KLF12: variants seen among roughly 807,000 people sequenced by gnomAD.
KLF12 encodes the protein Krueppel-like factor 12.
In KLF12, 9 loss-of-function variants were observed where a neutral mutation model predicts 37.8. The observed-to-expected ratio is 0.24, with a 90% CI of 0.14 to 0.42. The LOEUF (loss-of-function observed/expected upper bound fraction) is 0.42, where lower values mean the gene tolerates loss of function less well. KLF12 is among the 10% of genes least tolerant of loss of function. The pLI is 1.00. For missense variants in KLF12, 411 were observed against 516.0 expected (o/e 0.80, Z 1.97); for synonymous variants, 208 against 202.1 (o/e 1.03, Z -0.25).
chr13:74,266,181 T>A, the KLF12 span, among the ~76,000 whole-genome samples: 1 of 152,038 alleles, frequency 6.6e-6, no homozygotes, highest in African/African-American at 2.4e-5. Flanking sequence ...GCTTGAAGAG[T>A]TTGTAGCAGA....
intron 1 of KLF12, among the ~76,000 whole-genome samples, chr13:74,064,326 T>G (rs1873782138): frequency 6.6e-6 from 1 of 152,220 alleles, no homozygotes; most frequent in African/African-American, 2.4e-5. Flanking sequence ...AACATTTGCC[T>G]AGTACCTTGC....
At chr13:73,915,421 TTGCC>T (rs916269201) in intron 3 of KLF12, among the ~76,000 whole-genome samples, 3 of 152,046 alleles carry the variant, frequency 2.0e-5, no homozygotes, top group African/African-American at 7.2e-5. Context: ...CTTTCCAAGA[TTGCC>T]TGCCTGCCTG....
At chr13:74,027,493 A>G (rs948927694) in intron 1 of KLF12, among the ~76,000 whole-genome samples, 1 of 152,194 alleles carries the variant, frequency 6.6e-6, no homozygotes, top group Admixed American at 6.5e-5. Context: ...AAATGAAGCA[A>G]AAGCAAGCTA....
chr13:74,063,209 A>AT (rs1277669112), intron 1 of KLF12, among the ~76,000 whole-genome samples: 8 of 151,286 alleles, frequency 5.3e-5, no homozygotes, highest in East Asian at 3.9e-4. Context: ...AGTGGAAGAC[A>AT]TTTTTTTTTC....
intron 3 of KLF12, among the ~76,000 whole-genome samples, chr13:73,883,810 C>A (rs1887092617): frequency 2.0e-5 from 3 of 152,126 alleles, no homozygotes; most frequent in African/African-American, 7.2e-5. Context: ...TTTAAAAAAG[C>A]ATTAACTTTT....
At chr13:74,171,841 A>G in the KLF12 span, among the ~76,000 whole-genome samples, 1 of 152,294 alleles carries the variant, frequency 6.6e-6, no homozygotes, top group East Asian at 1.9e-4. Context: ...TTCTGTTGCT[A>G]TTTATTTGTC....
intron 1 of KLF12, among the ~76,000 whole-genome samples, chr13:74,054,171 C>T (rs145701659): frequency 2.9e-3 from 435 of 152,134 alleles, no homozygotes; most frequent in Non-Finnish European, 5.1e-3. Context: ...AAGAAAACAA[C>T]AAAACATATA....
chr13:73,920,189 T>C (rs926958670), intron 3 of KLF12, among the ~76,000 whole-genome samples: 10 of 152,218 alleles, frequency 6.6e-5, no homozygotes, highest in Non-Finnish European at 1.2e-4. Flanking sequence ...ACATACTTCA[T>C]GTATAAATTA....
At chr13:73,987,103 T>G (rs553050389) in intron 2 of KLF12, among the ~76,000 whole-genome samples, 22 of 152,214 alleles carry the variant, frequency 1.4e-4, no homozygotes, top group Non-Finnish European at 2.4e-4. Flanking sequence ...AATTGATTCT[T>G]AAATTGGAAT....
At chr13:73,808,145 T>A (rs1329350191) in intron 5 of KLF12, among the ~76,000 whole-genome samples, 39 of 152,172 alleles carry the variant, frequency 2.6e-4, no homozygotes, top group Admixed American at 2.6e-3. Context: ...ACTATGTTTG[T>A]CAAGTTGTTA....
intron 6 of KLF12, among the ~76,000 whole-genome samples, chr13:73,737,815 G>C (rs2137856563): frequency 6.6e-6 from 1 of 151,958 alleles, no homozygotes; most frequent in South Asian, 2.1e-4. Flanking sequence ...CTATCAATAA[G>C]AACTAATTAA....
chr13:73,805,372 C>A (rs984503519), intron 5 of KLF12, among the ~76,000 whole-genome samples: 26 of 152,008 alleles, frequency 1.7e-4, no homozygotes, highest in African/African-American at 5.8e-4. Flanking sequence ...ACAATCCCAA[C>A]ATTTTGGGAC....
chr13:74,022,327 A>G lies in KLF12; in HGVS notation c.-31-27274T>C, dbSNP rs563844746. Among the ~76,000 whole-genome samples, 234 of 151,768 alleles carry G rather than the reference A, an allele frequency of 1.5e-3. 1 individual carries two copies. Among genetic ancestry groups the G allele is most frequent in the African/African-American group, 4.8e-3 (197 of 41,102 alleles). ...TGCAAACAGAATTTCAGAAAAAAAC[A>G]TAATTATACAGACATTTTTATGTCC... On this transcript the variant is annotated intron_variant, in intron 1 of 7. Coordinates refer to ENST00000377669, the MANE Select transcript of KLF12 (RefSeq NM_007249.5).
the KLF12 span, among the ~76,000 whole-genome samples, chr13:74,152,885 GATAATAATAATAATAATAATA>G: frequency 3.0e-4 from 42 of 139,026 alleles, 1 homozygote; most frequent in East Asian, 2.5e-3. Flanking sequence ...CCCCATTACA[GATAATAATAATAATAATAATA>G]ATAATAATAA....
chr13:74,263,395 T>G, the KLF12 span, among the ~76,000 whole-genome samples: 1 of 152,216 alleles, frequency 6.6e-6, no homozygotes, highest in Non-Finnish European at 1.5e-5. Context: ...ATAAAGACTC[T>G]GACTCTATGA....
chr13:73,896,429 C>T (rs770198170), intron 3 of KLF12, among the ~76,000 whole-genome samples: 5 of 152,066 alleles, frequency 3.3e-5, no homozygotes, highest in African/African-American at 9.7e-5. Context: ...CCAAGCAATA[C>T]GCATTCTGAG....
intron 1 of KLF12, among the ~76,000 whole-genome samples, chr13:74,061,611 C>A (rs1873595285): frequency 6.6e-6 from 1 of 152,100 alleles, no homozygotes; most frequent in African/African-American, 2.4e-5. Context: ...CCAATGATGT[C>A]CCAAGTTCTA....
chr13:73,723,747 T>G (rs1302013870), intron 6 of KLF12, among the ~76,000 whole-genome samples: 1 of 152,052 alleles, frequency 6.6e-6, no homozygotes, highest in Non-Finnish European at 1.5e-5. Context: ...TACTCAAGAG[T>G]GAAGAGTCTT....
At position 74,032,274 on chromosome 13, in the gene KLF12, T is replaced by C. The variant is rs1196295220; in HGVS notation, c.-31-37221A>G. Among the ~76,000 whole-genome samples, 6 of 152,188 alleles carry C rather than the reference T, an allele frequency of 3.9e-5. No individual in the cohort carries two copies. The South Asian group carries it at 1.0e-3, about 26-fold the overall frequency. On this transcript the variant is annotated intron_variant, in intron 1 of 7. Coordinates refer to ENST00000377669, the MANE Select transcript of KLF12 (RefSeq NM_007249.5). Reference sequence around the variant, plus strand: ...TGAAGAAGAACTTGTAGTAAACCAATATAATAACTAAGCCTTGTAGAAGGC... The same window carrying C: ...TGAAGAAGAACTTGTAGTAAACCAACATAATAACTAAGCCTTGTAGAAGGC...
Sources: gnomAD v4.1 joint callset for allele counts (sites outside exome capture counted in the v4.1 genomes callset) on GRCh38, gnomAD v4.1.1 for gene constraint, MANE v1.5 for transcripts, NCBI Gene and HGNC (gene_info 2026-07-23, HGNC 2026-07-21) for gene names.